The following RAE1 variants were observed in gnomAD, a reference collection of about 807,000 sequenced individuals.
RAE1 encodes ribonucleic acid export 1.
Under a neutral mutation model 52.7 loss-of-function variants are expected in RAE1, and 13 were observed. The observed-to-expected ratio is 0.25, with a 90% CI of 0.16 to 0.39. The LOEUF (loss-of-function observed/expected upper bound fraction) is 0.39. Among genes scored for constraint, RAE1 ranks in the 10% least tolerant of loss-of-function variants. The probability of loss-of-function intolerance (pLI) is 1.00; values close to 1 mark genes in which losing one functional copy is unlikely to be tolerated. For synonymous variants in RAE1, 164 were observed against 153.1 expected (o/e 1.07, Z -0.52); for missense variants, 262 against 459.8 (o/e 0.57, Z 3.93).
intron 7 of RAE1, among the ~76,000 whole-genome samples, chr20:57,367,991 G>A (rs538482904): frequency 8.3e-4 from 126 of 152,240 alleles, no homozygotes; most frequent in African/African-American, 3.0e-3. Flanking sequence ...CCGGGTTCAA[G>A]CGATTCTCCT....
In RAE1 at chr20:57,354,734, C is replaced by T; in HGVS notation, c.113C>T (p.Pro38Leu). 6.3e-7 allele frequency: 1 copy of T among 1,599,538 alleles called. No individual in the cohort carries two copies. Among genetic ancestry groups the T allele is most frequent in the Non-Finnish European group, 8.5e-7 (1 of 1,174,358 alleles). ...CAGGATATTGAAGTAACATCATCTC[C>T]TGATGATAGCATTGGTTGTCTGTCT... is the stretch of plus-strand genomic sequence containing the variant. ...PMKDIEVTSSPDDSIGCLSFS... is the reference protein window; with the variant it reads ...PMKDIEVTSSLDDSIGCLSFS... The change falls in exon 3 of 12, where the codon CCT (proline) becomes CTT (leucine). Residue 38 changes from proline (P) to leucine (L), a missense_variant. Transcript: ENST00000395841.
chr20:57,373,455 CTTT>C lies in RAE1; in HGVS notation c.643-16_643-14del, dbSNP rs1185618131. The C allele has an allele frequency of 6.3e-7, 1 of 1,599,154 alleles. No individual in the cohort carries two copies. The highest frequency in any genetic ancestry group is 8.6e-7 in the Non-Finnish European group (1 of 1,167,564). ...CTTATATTATGCTGTGATTATGTCT[CTTT>C]TTTATTTTAACTGTAGCATCGGTGT... On this transcript the variant is annotated splice_polypyrimidine_tract_variant and intron_variant, in intron 8 of 11. Transcript: ENST00000395841.
intron 7 of RAE1, 95 bp downstream of exon 7, chr20:57,367,174 A>AT: frequency 3.7e-6 from 4 of 1,089,296 alleles, no homozygotes; most frequent in Non-Finnish European, 5.3e-6. Flanking sequence ...AGTGGATAAT[A>AT]TAAAAATCCT....
chr20:57,357,676 T>C (rs1333682605), intron 4 of RAE1: 1 of 152,232 alleles, frequency 6.6e-6, no homozygotes, highest in African/African-American at 2.4e-5. Context: ...AGTTAGGGCA[T>C]TTATTATGAT....
chr20:57,375,675 C>T (rs986845355), intron 11 of RAE1, among the ~76,000 whole-genome samples: 1 of 152,198 alleles, frequency 6.6e-6, no homozygotes, highest in Non-Finnish European at 1.5e-5. Context: ...AGCACCTACC[C>T]TCTTGGTTCC....
chr20:57,351,803 C>G (rs886549652), intron 1 of RAE1: 1 of 985,340 alleles, frequency 1.0e-6, no homozygotes, highest in African/African-American at 1.7e-5. Flanking sequence ...CGTCAACCTG[C>G]TCCATTTCTT....
intron 4 of RAE1, among the ~76,000 whole-genome samples, chr20:57,364,538 G>C (rs2066929130): frequency 6.6e-6 from 1 of 152,166 alleles, no homozygotes; most frequent in Non-Finnish European, 1.5e-5. Context: ...GAGAATGGTG[G>C]TCAATTTTTG....
At chr20:57,375,051 TC>T (rs1244893159) in intron 11 of RAE1, 2 of 703,316 alleles carry the variant, frequency 2.8e-6, no homozygotes, top group South Asian at 1.5e-5. Flanking sequence ...GCTGCTCTGT[TC>T]CTGGGCACAG....
intron 4 of RAE1, chr20:57,359,989 TGTCTGAGTG>T (rs1318269491): frequency 6.6e-6 from 1 of 152,224 alleles, no homozygotes; most frequent in Admixed American, 6.5e-5. Context: ...GGGCTAGAGT[TGTCTGAGTG>T]GTCAGGTCAT....
At position 57,376,286 on chromosome 20, in the gene RAE1, A is replaced by G. The variant is rs561041083; in HGVS notation, c.1020+1485A>G. Among the ~76,000 whole-genome samples, 3 of 152,340 alleles carry G rather than the reference A, an allele frequency of 2.0e-5. No individual in the cohort carries two copies. The East Asian group carries it at 5.8e-4, about 29-fold the overall frequency. ...ATTGAGGTACAATTGAAATACAGTC[A>G]TTGTTTAAAGTGTACAATTTGATCA... On this transcript the variant is annotated intron_variant, in intron 11 of 11. Transcript: ENST00000395841.
At chr20:57,375,636 T>C (rs1016975485) in intron 11 of RAE1, among the ~76,000 whole-genome samples, 1 of 152,180 alleles carries the variant, frequency 6.6e-6, no homozygotes, top group Non-Finnish European at 1.5e-5. Context: ...CATTTCCATG[T>C]ATATTAAGGC....
At chr20:57,353,924 G>T in intron 1 of RAE1, 108 bp from the exon 2 acceptor site, 1 of 933,666 alleles carries the variant, frequency 1.1e-6, no homozygotes, top group South Asian at 1.6e-5. Flanking sequence ...GTGAAGCCTG[G>T]CCTCAAGCCA....
chr20:57,362,293 C>T (rs1043388684), intron 4 of RAE1, among the ~76,000 whole-genome samples: 9 of 152,238 alleles, frequency 5.9e-5, no homozygotes, highest in Non-Finnish European at 1.3e-4. Context: ...ATCAGCTTCT[C>T]TGAGGCATTT....
At chr20:57,357,044 A>T (rs1447018288) in intron 4 of RAE1, among the ~76,000 whole-genome samples, 1 of 152,258 alleles carries the variant, frequency 6.6e-6, no homozygotes, top group Admixed American at 6.5e-5. Flanking sequence ...GCCTGGTGAC[A>T]GGCAGACACA....
At chr20:57,373,245 G>A (rs2067062619) in intron 8 of RAE1, 5 of 542,584 alleles carry the variant, frequency 9.2e-6, no homozygotes, top group South Asian at 4.2e-5. Context: ...GAGGGAGAGC[G>A]AGCAGCGGGG....
chr20:57,375,736 G>T (rs1259366715), intron 11 of RAE1, among the ~76,000 whole-genome samples: 1 of 152,174 alleles, frequency 6.6e-6, no homozygotes, highest in Non-Finnish European at 1.5e-5. Flanking sequence ...CTGGCCTCTT[G>T]CAGCTGTACT....
chr20:57,362,630 T>C (rs887825012), intron 4 of RAE1, among the ~76,000 whole-genome samples: 1 of 152,130 alleles, frequency 6.6e-6, no homozygotes, highest in African/African-American at 2.4e-5. Context: ...TTTCATAGCA[T>C]CTAGTGGGAG....
At chr20:57,357,766 G>GA (rs1383455084) in intron 4 of RAE1, 1 of 152,226 alleles carries the variant, frequency 6.6e-6, no homozygotes, top group Non-Finnish European at 1.5e-5. Flanking sequence ...GACTAACTCT[G>GA]ACTCTCCTTT....
chr20:57,378,334 T>G lies in RAE1; in HGVS notation c.*235T>G. On this transcript the variant is annotated 3_prime_UTR_variant, in exon 12 of 12. Coordinates refer to ENST00000395841, the MANE Select transcript of RAE1 (RefSeq NM_003610.4). The stretch of plus-strand genomic sequence containing the variant: ...GTAACTAAGGGGGTTGAGGTTATTG[T>G]AGACGTTAGATTGCGGGCACCGCCA... The G allele has an allele frequency of 2.1e-6, 1 of 469,354 alleles. No individual in the cohort carries two copies. Among genetic ancestry groups the G allele is most frequent in the South Asian group, 4.0e-5 (1 of 24,748 alleles). The allele number at this position is 469,354 out of a possible 1,614,324, so 29.1% of individuals were successfully genotyped here.
Sources: gnomAD v4.1 joint callset for allele counts (sites outside exome capture counted in the v4.1 genomes callset) on GRCh38, gnomAD v4.1.1 for gene constraint, MANE v1.5 for transcripts, NCBI Gene and HGNC (gene_info 2026-07-23, HGNC 2026-07-21) for gene names.